Variants in FBXL2 observed in about 807,000 individuals in gnomAD.
FBXL2 encodes the protein F-box/LRR-repeat protein 2.
A neutral mutation model predicts 69.2 loss-of-function variants in FBXL2; 38 were observed. The ratio of observed to expected loss-of-function variants is 0.55; its 90% CI spans 0.42 to 0.72. The LOEUF is 0.72. Among genes scored for constraint, FBXL2 ranks in the 30% least tolerant of loss-of-function variants. The pLI, the probability that FBXL2 is intolerant of heterozygous loss-of-function variation, is 0.00. For synonymous variants in FBXL2, 192 were observed against 201.3 expected (o/e 0.95, Z 0.39); for missense variants, 354 against 520.3 (o/e 0.68, Z 3.11).
chr3:33,378,868 T>C (rs2042821320), intron 13 of FBXL2, 127 bp downstream of exon 13: 1 of 1,524,952 alleles, frequency 6.6e-7, no homozygotes, highest in East Asian at 2.4e-5. Context: ...AATCTATTAA[T>C]TGGGCTAACT....
intron 1 of FBXL2, among the ~76,000 whole-genome samples, chr3:33,287,139 C>G (rs1288820079): frequency 6.6e-6 from 1 of 152,196 alleles, no homozygotes; most frequent in Non-Finnish European, 1.5e-5. Flanking sequence ...TGTTCCCATT[C>G]CGCCATCTTG....
intron 2 of FBXL2, among the ~76,000 whole-genome samples, chr3:33,332,366 T>A (rs1264932537): frequency 6.6e-6 from 1 of 152,184 alleles, no homozygotes; most frequent in African/African-American, 2.4e-5. Context: ...CAGAAAACAG[T>A]TTGGGAGTTC....
intron 2 of FBXL2, chr3:33,317,365 A>G (rs1406006712): frequency 1.4e-5 from 6 of 424,288 alleles, no homozygotes; most frequent in African/African-American, 6.1e-5. Context: ...ACTGCATCCA[A>G]TTCATAGTTC....
At chr3:33,400,314 G>T in intron 12 of FBXL2, 1 of 1,528,736 alleles carries the variant, frequency 6.5e-7, no homozygotes, top group South Asian at 1.2e-5. Flanking sequence ...ATAAATAAAA[G>T]GAACCATTCA....
chr3:33,308,634 A>G (rs1262008455), intron 2 of FBXL2, among the ~76,000 whole-genome samples: 1 of 152,174 alleles, frequency 6.6e-6, no homozygotes, highest in Non-Finnish European at 1.5e-5. Flanking sequence ...CATGAGTACT[A>G]AAAACAGGCA....
intron 1 of FBXL2, among the ~76,000 whole-genome samples, chr3:33,290,890 T>C (rs1221404365): frequency 6.6e-6 from 1 of 151,930 alleles, no homozygotes; most frequent in Non-Finnish European, 1.5e-5. Flanking sequence ...ATATGAATAA[T>C]TGACACCTTG....
At chr3:33,307,997 A>G (rs527427512) in intron 2 of FBXL2, among the ~76,000 whole-genome samples, 2 of 152,206 alleles carry the variant, frequency 1.3e-5, no homozygotes, top group South Asian at 4.2e-4. Flanking sequence ...GTCCATTTAC[A>G]TGATCTTAGT....
In FBXL2 at chr3:33,373,359, A is replaced by G. The variant is rs368589061; in HGVS notation, c.455+4A>G. 4 of 1,597,932 alleles carry G rather than the reference A, an allele frequency of 2.5e-6. No individual in the cohort carries two copies. The highest frequency in any genetic ancestry group is 3.3e-5 in the Admixed American group (2 of 59,974). ...ACAGCTCCTTGAAGGGGATCAGGTA[A>G]GAGTGCCCATTGTTTGTGTCAAGAG... On this transcript the variant is annotated splice_donor_region_variant and intron_variant, in intron 7 of 14. Coordinates refer to ENST00000484457, the MANE Select transcript of FBXL2 (RefSeq NM_012157.5).
chr3:33,322,282 G>C (rs1351129984), intron 2 of FBXL2, among the ~76,000 whole-genome samples: 1 of 151,812 alleles, frequency 6.6e-6, no homozygotes, highest in Admixed American at 6.6e-5. Context: ...GTTTTACCGT[G>C]TTAGCCACAG....
At chr3:33,419,936 T>C in the FBXL2 span, among the ~76,000 whole-genome samples, 3 of 152,218 alleles carry the variant, frequency 2.0e-5, no homozygotes, top group South Asian at 6.2e-4. Context: ...ATTTTCTCAA[T>C]TTACTTTTCA....
the FBXL2 span, among the ~76,000 whole-genome samples, chr3:33,417,644 G>T: frequency 6.6e-6 from 1 of 152,134 alleles, no homozygotes; most frequent in Non-Finnish European, 1.5e-5. Flanking sequence ...TTAGGAAAAT[G>T]CTGCTGTAAA....
At chr3:33,359,238 G>A in intron 3 of FBXL2, 45 bp from the exon 4 acceptor site, 2 of 1,516,010 alleles carry the variant, frequency 1.3e-6, no homozygotes, top group African/African-American at 1.4e-5. Context: ...CAATAAATGT[G>A]TTTCTTTCAT....
chr3:33,370,811 A>G (rs778410705), intron 5 of FBXL2, among the ~76,000 whole-genome samples: 1 of 152,026 alleles, frequency 6.6e-6, no homozygotes. Flanking sequence ...CAATTTGGTT[A>G]TTATATGCCT....
intron 2 of FBXL2, among the ~76,000 whole-genome samples, chr3:33,342,486 A>G (rs936461407): frequency 6.6e-6 from 1 of 151,540 alleles, no homozygotes; most frequent in Admixed American, 6.6e-5. Flanking sequence ...AATTACGAAA[A>G]AATAGAGTTT....
intron 1 of FBXL2, among the ~76,000 whole-genome samples, chr3:33,291,435 C>T (rs2035213098): frequency 6.6e-6 from 1 of 152,092 alleles, no homozygotes; most frequent in Non-Finnish European, 1.5e-5. Flanking sequence ...GAATGAATTA[C>T]ACCAGGAAGG....
chr3:33,292,251 A>G (rs2125701436), intron 1 of FBXL2, among the ~76,000 whole-genome samples: 1 of 152,192 alleles, frequency 6.6e-6, no homozygotes, highest in South Asian at 2.1e-4. Context: ...GTGGTGGTGC[A>G]CACCTGTAAT....
intron 2 of FBXL2, among the ~76,000 whole-genome samples, chr3:33,309,947 G>A (rs1358730158): frequency 6.6e-6 from 1 of 151,832 alleles, no homozygotes; most frequent in African/African-American, 2.4e-5. Flanking sequence ...GATCGCTTGA[G>A]GCCAGGAGTT....
intron 12 of FBXL2, among the ~76,000 whole-genome samples, chr3:33,399,270 G>A (rs1329890999): frequency 1.3e-5 from 2 of 152,166 alleles, no homozygotes; most frequent in African/African-American, 4.8e-5. Flanking sequence ...AATATATTTG[G>A]GAAATGCTAC....
At chr3:33,324,575 C>T (rs981256561) in intron 2 of FBXL2, among the ~76,000 whole-genome samples, 1 of 152,126 alleles carries the variant, frequency 6.6e-6, no homozygotes, top group Non-Finnish European at 1.5e-5. Context: ...TTCCCCATTG[C>T]TTGTTTTTCT....
Sources: gnomAD v4.1 joint callset for allele counts (sites outside exome capture counted in the v4.1 genomes callset) on GRCh38, gnomAD v4.1.1 for gene constraint, MANE v1.5 for transcripts, NCBI Gene and HGNC (gene_info 2026-07-23, HGNC 2026-07-21) for gene names.